MTREX: variants seen among roughly 807,000 people sequenced by gnomAD.
The protein encoded by MTREX is Mtr4 exosome RNA helicase.
Under a neutral mutation model 135.4 loss-of-function variants are expected in MTREX, and 76 were observed. That is an observed-to-expected ratio of 0.56 (90% CI 0.47 to 0.68). The LOEUF (loss-of-function observed/expected upper bound fraction) is 0.68, where lower values mean the gene tolerates loss of function less well. Among genes scored for constraint, MTREX ranks in the 30% least tolerant of loss-of-function variants. The pLI is 0.00. For missense variants in MTREX, 920 were observed against 1,262.1 expected (o/e 0.73, Z 4.11); for synonymous variants, 404 against 401.6 (o/e 1.01, Z -0.07).
At chr5:55,390,533 AT>A (rs1399775268) in intron 19 of MTREX, among the ~76,000 whole-genome samples, 4 of 152,176 alleles carry the variant, frequency 2.6e-5, no homozygotes, top group Non-Finnish European at 5.9e-5. Context: ...AATTACATTG[AT>A]TAACAGAGGT....
In MTREX at chr5:55,344,454, G is replaced by A. The variant is rs569905328; in HGVS notation, c.907-68G>A. 5.5e-4 allele frequency: 541 copies of A among 984,772 alleles called. 6 individuals are homozygous for A. The South Asian group carries it at 6.4e-3, about 12-fold the overall frequency. The allele number at this position is 984,772 out of a possible 1,614,324, so 61.0% of individuals were successfully genotyped here. On this transcript the variant is annotated intron_variant, in intron 8 of 26. Transcript: ENST00000230640. ...ACTTGATTTTCTTAAGATCTTTTAG[G>A]TTGGACTAAGATACAGTTTTATTTT...
At chr5:55,349,537 A>G (rs779645593) in intron 11 of MTREX, 36 bp from the exon 12 acceptor site, 2 of 1,136,560 alleles carry the variant, frequency 1.8e-6, no homozygotes, top group East Asian at 4.7e-5. Flanking sequence ...TCACTAACTC[A>G]TTTTGATATT....
intron 22 of MTREX, among the ~76,000 whole-genome samples, chr5:55,406,506 C>G (rs1164530286): frequency 6.6e-6 from 1 of 152,150 alleles, no homozygotes; most frequent in Non-Finnish European, 1.5e-5. Flanking sequence ...CTAGCTTTAC[C>G]TTTTGTAACC....
intron 9 of MTREX, 49 bp downstream of exon 9, chr5:55,344,669 T>C: frequency 9.6e-7 from 1 of 1,043,282 alleles, no homozygotes; most frequent in South Asian, 1.5e-5. Flanking sequence ...TACTTTATTA[T>C]TAATATCTTG....
At chr5:55,362,456 G>A (rs1052777214) in intron 15 of MTREX, among the ~76,000 whole-genome samples, 7 of 151,970 alleles carry the variant, frequency 4.6e-5, no homozygotes, top group African/African-American at 1.7e-4. Flanking sequence ...CGCCTCCTGG[G>A]TTCAAGTGAT....
chr5:55,386,502 A>G (rs763467651), intron 18 of MTREX, among the ~76,000 whole-genome samples: 23 of 152,128 alleles, frequency 1.5e-4, no homozygotes, highest in Non-Finnish European at 2.9e-4. Flanking sequence ...TAACAGCAAA[A>G]TTTTCATTTA....
intron 18 of MTREX, among the ~76,000 whole-genome samples, chr5:55,386,765 T>G (rs1380258058): frequency 6.6e-6 from 1 of 152,004 alleles, no homozygotes; most frequent in Non-Finnish European, 1.5e-5. Flanking sequence ...GCCTGTGGGG[T>G]TTTTTTGTCC....
chr5:55,337,839 A>G (rs563599089), intron 5 of MTREX, among the ~76,000 whole-genome samples: 1 of 151,682 alleles, frequency 6.6e-6, no homozygotes, highest in Non-Finnish European at 1.5e-5. Context: ...ATTTTGTTTA[A>G]CAAATATCTT....
chr5:55,350,644 T>C (rs1342990144), intron 12 of MTREX, among the ~76,000 whole-genome samples: 1 of 152,200 alleles, frequency 6.6e-6, no homozygotes, highest in Non-Finnish European at 1.5e-5. Context: ...TGTGTAATTG[T>C]TTTTTGAGGA....
chr5:55,379,213 A>G lies in MTREX; in HGVS notation c.2052+18A>G. 1 of 1,435,888 alleles carries G rather than the reference A, an allele frequency of 7.0e-7. No individual in the cohort carries two copies. Among genetic ancestry groups the G allele is most frequent in the Non-Finnish European group, 9.8e-7 (1 of 1,024,264 alleles). 88.9% of individuals were successfully genotyped at this position (1,435,888 alleles called of 1,614,324 possible). A position where few individuals can be genotyped will look rare whatever the true frequency, so the allele number is the denominator to read the frequency against. On this transcript the variant is annotated intron_variant, in intron 18 of 26. Coordinates refer to ENST00000230640, the MANE Select transcript of MTREX (RefSeq NM_015360.5). The stretch of plus-strand genomic sequence containing the variant: ...ATGTTAAGGTAAACTATTATCTTTA[A>G]ATTAGAATTGTATATCAATTTTTAG...
At chr5:55,329,385 G>A (rs1749433672) in intron 5 of MTREX, 1 of 151,636 alleles carries the variant, frequency 6.6e-6, no homozygotes, top group African/African-American at 2.4e-5. Flanking sequence ...ACTTAAATAG[G>A]CTGGTCTCAA....
rs544591723 is a variant in MTREX, at chr5:55,346,443, A to C, written c.1109-570A>C. ...TTTTGCCCTGATTTCCCATTTGGAA[A>C]GATGGTGGTATAATTTGATGGATCT... On this transcript the variant is annotated intron_variant, in intron 10 of 26. Coordinates refer to ENST00000230640, the MANE Select transcript of MTREX (RefSeq NM_015360.5). Among the ~76,000 whole-genome samples the C allele has an allele frequency of 2.0e-5, 3 of 152,346 alleles. No homozygotes were observed. In the East Asian group the frequency reaches 5.8e-4, roughly 29 times the overall value.
chr5:55,319,910 T>A (rs772201908), intron 1 of MTREX, among the ~76,000 whole-genome samples: 4 of 152,194 alleles, frequency 2.6e-5, no homozygotes, highest in Non-Finnish European at 5.9e-5. Flanking sequence ...ATAGAATGTT[T>A]TAAATATAGT....
intron 5 of MTREX, among the ~76,000 whole-genome samples, chr5:55,338,574 C>T (rs546121181): frequency 6.0e-4 from 89 of 148,860 alleles, no homozygotes; most frequent in Middle Eastern, 3.5e-3. Context: ...TTTTTTCCTA[C>T]CTCTTTCTTA....
chr5:55,346,765 C>T (rs181099144), intron 10 of MTREX, among the ~76,000 whole-genome samples: 1 of 152,026 alleles, frequency 6.6e-6, no homozygotes, highest in Non-Finnish European at 1.5e-5. Flanking sequence ...TTGAGGTTGT[C>T]TTTTTACTTT....
chr5:55,424,883 T>C lies in MTREX; in HGVS notation c.*111T>C. ...GTTCTCCCATACATTTTAATATGTA[T>C]TATATTTAAATCAAACATCATTCAT... On this transcript the variant is annotated 3_prime_UTR_variant, in exon 27 of 27. Transcript: ENST00000230640. 1 of 734,144 alleles carries C rather than the reference T, an allele frequency of 1.4e-6. No homozygotes were observed. Among genetic ancestry groups the C allele is most frequent in the East Asian group, 2.7e-5 (1 of 37,244 alleles). 45.5% of individuals were successfully genotyped at this position (734,144 alleles called of 1,614,324 possible).
chr5:55,419,576 T>G (rs1020550163), intron 25 of MTREX, among the ~76,000 whole-genome samples: 14 of 152,214 alleles, frequency 9.2e-5, no homozygotes, highest in African/African-American at 3.4e-4. Context: ...TTAAACAAAC[T>G]ATTTGTATGG....
chr5:55,342,478 T>C (rs2112058775), intron 7 of MTREX, among the ~76,000 whole-genome samples: 1 of 152,292 alleles, frequency 6.6e-6, no homozygotes, highest in South Asian at 2.1e-4. Flanking sequence ...AAGTGAGGAT[T>C]ATGAAATAAA....
chr5:55,404,204 T>C (rs932531303), intron 21 of MTREX, among the ~76,000 whole-genome samples: 2 of 152,240 alleles, frequency 1.3e-5, no homozygotes, highest in African/African-American at 4.8e-5. Context: ...GATTTCAACT[T>C]ATCAAAACTT....
Sources: allele counts gnomAD v4.1 joint callset (sites outside exome capture counted in the v4.1 genomes callset), GRCh38; gene constraint gnomAD v4.1.1; transcripts MANE v1.5; gene names NCBI Gene and HGNC (gene_info 2026-07-23, HGNC 2026-07-21).